The following SPATA13 variants were observed in gnomAD, a reference collection of about 807,000 sequenced individuals.
The protein encoded by SPATA13 is spermatogenesis associated 13.
A neutral mutation model predicts 104.0 loss-of-function variants in SPATA13; 50 were observed. The ratio of observed to expected loss-of-function variants is 0.48; its 90% CI spans 0.38 to 0.61. SPATA13 has a LOEUF of 0.61. Ranked by LOEUF, SPATA13 falls within the 20% of genes least tolerant of loss-of-function variation. The pLI is 0.00. For missense variants in SPATA13, 1,524 were observed against 1,690.6 expected (o/e 0.90, Z 1.73); for synonymous variants, 606 against 667.5 (o/e 0.91, Z 1.42).
chr13:24,270,708 C>A, intron 4 of SPATA13: 1 of 1,501,266 alleles, frequency 6.7e-7, no homozygotes, highest in Non-Finnish European at 8.9e-7. Flanking sequence ...AGGCTCTGGC[C>A]GGGAACGCAT....
chr13:24,053,853 A>G (rs1410805712), intron 3 of SPATA13, among the ~76,000 whole-genome samples: 2 of 152,204 alleles, frequency 1.3e-5, no homozygotes, highest in East Asian at 3.9e-4. Flanking sequence ...TCAGGAATGG[A>G]TTCTTGTTAA....
At position 24,305,565 on chromosome 13, in the gene SPATA13, G is replaced by A. The variant is rs1129021; in HGVS notation, c.*2792G>A. The A allele has an allele frequency of 0.31, 47,538 of 152,044 alleles. 7,466 individuals carry two copies. The highest frequency in any genetic ancestry group is 0.35 in the Admixed American group (5,298 of 15,278). The allele number at this position is 152,044 out of a possible 1,614,324, so 9.4% of individuals were successfully genotyped here. ...AAACTTCCTTCCTGATTTGAGTCAC[G>A]TGTTCCACTTGGAAAGAAAGGGAAC... is the stretch of plus-strand genomic sequence containing the variant. On this transcript the variant is annotated 3_prime_UTR_variant, in exon 13 of 13. Transcript: ENST00000382108.
Position 24,007,655 on chromosome 13 carries a change from A to T in SPATA13, c.-146-10012A>T, listed in dbSNP as rs1876292652. 3.3e-5 allele frequency among the ~76,000 whole-genome samples: 5 copies of T among 152,242 alleles called. No individual in the cohort carries two copies. In the South Asian group the frequency reaches 1.0e-3, roughly 32 times the overall value. ...TATTTTTAGTAGAGACAGCTTTTCT[A>T]CTAAAAATGGCTATGGTGGCCAGGC... is the stretch of plus-strand genomic sequence containing the variant. On this transcript the variant is annotated intron_variant, in intron 2 of 14. Transcript: ENST00000424834.
intron 3 of SPATA13, among the ~76,000 whole-genome samples, chr13:24,067,452 C>T (rs1007754310): frequency 2.0e-5 from 3 of 152,166 alleles, no homozygotes; most frequent in African/African-American, 7.2e-5. Flanking sequence ...TAAAGAACTA[C>T]TTTTCCATCA....
chr13:24,233,505 C>G (rs564027795), intron 2 of SPATA13, among the ~76,000 whole-genome samples: 1 of 152,026 alleles, frequency 6.6e-6, no homozygotes, highest in Admixed American at 6.5e-5. Flanking sequence ...TTTCCTTTTG[C>G]TGGAGAAAAA....
At chr13:24,102,835 G>A (rs546100664) in intron 3 of SPATA13, among the ~76,000 whole-genome samples, 5 of 152,174 alleles carry the variant, frequency 3.3e-5, no homozygotes, top group African/African-American at 1.2e-4. Context: ...TTTTGTTGCC[G>A]ATGGTTTTGG....
chr13:24,070,824 C>A (rs1215874966), intron 3 of SPATA13, among the ~76,000 whole-genome samples: 1 of 152,016 alleles, frequency 6.6e-6, no homozygotes, highest in Non-Finnish European at 1.5e-5. Flanking sequence ...TTTTTTTCTG[C>A]CTTCCGACTC....
At chr13:24,150,784 C>A (rs970255524) in intron 3 of SPATA13, among the ~76,000 whole-genome samples, 3 of 152,156 alleles carry the variant, frequency 2.0e-5, no homozygotes, top group African/African-American at 7.2e-5. Context: ...CTATGACTGT[C>A]CCCTGATTGG....
intron 3 of SPATA13, among the ~76,000 whole-genome samples, chr13:24,153,415 T>C (rs182662878): frequency 1.1e-4 from 17 of 152,362 alleles, no homozygotes; most frequent in Middle Eastern, 3.4e-3. Context: ...AACTTGTTCT[T>C]GTCAGGTAGA....
intron 3 of SPATA13, among the ~76,000 whole-genome samples, chr13:24,120,421 C>T (rs908309366): frequency 2.0e-5 from 3 of 152,134 alleles, no homozygotes; most frequent in African/African-American, 7.2e-5. Context: ...TTGCCTGTGT[C>T]CCTATCAGGC....
At chr13:24,033,829 G>C (rs1193290764) in intron 3 of SPATA13, 2 of 152,280 alleles carry the variant, frequency 1.3e-5, no homozygotes, top group Non-Finnish European at 2.9e-5. Flanking sequence ...GGAAACGTGG[G>C]AAAGGGAAAT....
At chr13:24,064,271 A>G (rs1296657407) in intron 3 of SPATA13, among the ~76,000 whole-genome samples, 2 of 152,226 alleles carry the variant, frequency 1.3e-5, no homozygotes, top group East Asian at 1.9e-4. Context: ...CGTTTCGTCA[A>G]GCCCACATTT....
intron 3 of SPATA13, among the ~76,000 whole-genome samples, chr13:24,036,241 C>G (rs538391054): frequency 6.6e-6 from 1 of 152,080 alleles, no homozygotes; most frequent in Non-Finnish European, 1.5e-5. Context: ...TGAGTAGGAA[C>G]GACAGTGTTT....
At position 24,278,958 on chromosome 13, in the gene SPATA13, TTCCTTCCC is replaced by T. The variant is rs1249244538; in HGVS notation, c.2165-5165_2165-5158del. On this transcript the variant is annotated intron_variant, in intron 4 of 12. Coordinates refer to ENST00000382108, the MANE Select transcript of SPATA13 (RefSeq NM_001166271.3). The stretch of plus-strand genomic sequence containing the variant: ...CTTCCTTCCTTCCTTCCCTCCTTCC[TTCCTTCCC>T]TCCTTCCCTCCCTCCCTCCCTCCCT... 5.1e-3 allele frequency: 2,718 copies of T among 529,426 alleles called. 34 individuals are homozygous for T. Among genetic ancestry groups the T allele is most frequent in the Non-Finnish European group, 6.3e-3 (2,130 of 338,904 alleles). The allele number at this position is 529,426 out of a possible 1,614,324, so 32.8% of individuals were successfully genotyped here.
In SPATA13 at chr13:24,302,598, G is replaced by T; in HGVS notation, c.3659G>T (p.Gly1220Val). Residue 1220 changes from glycine (G) to valine (V), a missense_variant and splice_region_variant, in exon 13 of 13, where the codon GGC becomes GTC. By Grantham distance (109) the Gly-to-Val change is moderately radical. Transcript: ENST00000382108. ...CCATCTCTCTCCCCTCCCGAGTCAGGCTACAACAGGTGCCCTGTGGCCCCA... is the reference window on the plus strand; with the variant it reads ...CCATCTCTCTCCCCTCCCGAGTCAGTCTACAACAGGTGCCCTGTGGCCCCA... ...AQKAGHGKSK[G>V]YNRCPVAPPH... 6.2e-7 allele frequency: 1 copy of T among 1,602,584 alleles called. No individual in the cohort carries two copies. Among genetic ancestry groups the T allele is most frequent in the Non-Finnish European group, 8.5e-7 (1 of 1,173,164 alleles).
intron 3 of SPATA13, among the ~76,000 whole-genome samples, chr13:24,079,186 G>A (rs1007869406): frequency 3.3e-5 from 5 of 152,198 alleles, no homozygotes; most frequent in African/African-American, 9.7e-5. Context: ...GTGGGAACAC[G>A]GGATGTAGAT....
chr13:24,180,049 G>A (rs1172619804), intron 1 of SPATA13, among the ~76,000 whole-genome samples: 1 of 152,108 alleles, frequency 6.6e-6, no homozygotes, highest in Non-Finnish European at 1.5e-5. Flanking sequence ...GGTTGGCTGT[G>A]CTCATAGTGT....
chr13:24,289,481 G>T (rs1376059142), intron 8 of SPATA13, among the ~76,000 whole-genome samples: 2 of 152,182 alleles, frequency 1.3e-5, no homozygotes, highest in African/African-American at 4.8e-5. Flanking sequence ...GAACTATGGA[G>T]TCCTTCCTAA....
rs1215578582 is a variant in SPATA13, at chr13:24,060,279, A to G, written c.-112+42578A>G. On this transcript the variant is annotated intron_variant, in intron 3 of 14. Transcript: ENST00000424834. ...AATAGAGAGCCCAGAAATACTTACA[A>G]CCTGCACACTTACTATCTGATCTTT... 5.9e-5 allele frequency among the ~76,000 whole-genome samples: 9 copies of G among 152,196 alleles called. No homozygotes were observed. The South Asian group carries it at 6.2e-4, about 11-fold the overall frequency.
Sources: allele counts gnomAD v4.1 joint callset (sites outside exome capture counted in the v4.1 genomes callset), GRCh38; gene constraint gnomAD v4.1.1; transcripts MANE v1.5; gene names NCBI Gene and HGNC (gene_info 2026-07-23, HGNC 2026-07-21).